The following PLEKHM3 variants were observed in gnomAD, a reference collection of about 807,000 sequenced individuals.
PLEKHM3 encodes pleckstrin homology domain-containing family M member 3.
In PLEKHM3, 45 loss-of-function variants were observed where a neutral mutation model predicts 81.8. That is an observed-to-expected ratio of 0.55 (90% CI 0.43 to 0.71). The LOEUF is 0.71. Among genes scored for constraint, PLEKHM3 ranks in the 30% least tolerant of loss-of-function variants. The pLI is 0.00. For missense variants in PLEKHM3, 788 were observed against 924.3 expected (o/e 0.85, Z 1.91); for synonymous variants, 352 against 356.4 (o/e 0.99, Z 0.14).
chr2:207,987,163 A>G (rs1009213616), intron 2 of PLEKHM3, among the ~76,000 whole-genome samples: 1 of 152,048 alleles, frequency 6.6e-6, no homozygotes, highest in Non-Finnish European at 1.5e-5. Flanking sequence ...ACTTGGTTCA[A>G]CCTCACCTAA....
chr2:207,906,778 G>C (rs1405670882), intron 6 of PLEKHM3, among the ~76,000 whole-genome samples: 3 of 151,658 alleles, frequency 2.0e-5, no homozygotes, highest in African/African-American at 4.9e-5. Flanking sequence ...AACAGAGCGA[G>C]ACTGTCAAAT....
At chr2:207,960,143 T>C (rs1690679113) in intron 3 of PLEKHM3, among the ~76,000 whole-genome samples, 1 of 152,232 alleles carries the variant, frequency 6.6e-6, no homozygotes, top group Non-Finnish European at 1.5e-5. Flanking sequence ...AGAGTGATAT[T>C]CCTAGCTTCT....
chr2:207,858,136 ATGTGTGTGTGTGTGTGTG>A (rs141449083), intron 7 of PLEKHM3, among the ~76,000 whole-genome samples: 12 of 126,920 alleles, frequency 9.5e-5, no homozygotes, highest in East Asian at 2.2e-4. Context: ...TCATATAGAT[ATGTGTGTGTGTGTGTGTG>A]TGTGTGTGTG....
At chr2:208,024,555 G>A (rs1693254256) in intron 1 of PLEKHM3, among the ~76,000 whole-genome samples, 1 of 152,174 alleles carries the variant, frequency 6.6e-6, no homozygotes, top group South Asian at 2.1e-4. Context: ...CTTGAAGTCA[G>A]TCAGTCAAAA....
intron 7 of PLEKHM3, among the ~76,000 whole-genome samples, chr2:207,842,423 CTGAT>C (rs1484345400): frequency 6.6e-6 from 1 of 152,110 alleles, no homozygotes; most frequent in Non-Finnish European, 1.5e-5. Context: ...ACTAATTAGA[CTGAT>C]TGTTTACATG....
chr2:207,950,327 C>T (rs1690288082), intron 3 of PLEKHM3, among the ~76,000 whole-genome samples: 1 of 152,192 alleles, frequency 6.6e-6, no homozygotes, highest in Non-Finnish European at 1.5e-5. Flanking sequence ...AGGCAGGAAG[C>T]CTGAGTCTGT....
chr2:207,886,862 T>C (rs1687901002), intron 6 of PLEKHM3, among the ~76,000 whole-genome samples: 1 of 152,152 alleles, frequency 6.6e-6, no homozygotes, highest in African/African-American at 2.4e-5. Context: ...ATATAATAAT[T>C]AAGAGCACTG....
chr2:208,005,266 T>C (rs1692460226), intron 1 of PLEKHM3, among the ~76,000 whole-genome samples: 1 of 152,210 alleles, frequency 6.6e-6, no homozygotes, highest in African/African-American at 2.4e-5. Flanking sequence ...TACATTATTA[T>C]TAACTTAAGT....
intron 3 of PLEKHM3, among the ~76,000 whole-genome samples, chr2:207,972,965 T>C (rs1419072445): frequency 6.6e-6 from 1 of 152,220 alleles, no homozygotes; most frequent in Admixed American, 6.5e-5. Context: ...AGCTACTCCA[T>C]ACAATCTTCC....
At chr2:207,986,423 A>C (rs1174578213) in intron 2 of PLEKHM3, among the ~76,000 whole-genome samples, 1 of 152,170 alleles carries the variant, frequency 6.6e-6, no homozygotes, top group African/African-American at 2.4e-5. Flanking sequence ...TCTACAGGCT[A>C]TCCAGGCTAT....
chr2:208,001,781 G>A lies in PLEKHM3; in HGVS notation c.-142C>T. 7.3e-7 allele frequency: 1 copy of A among 1,373,314 alleles called. No homozygotes were observed. 85.1% of individuals were successfully genotyped at this position (1,373,314 alleles called of 1,614,324 possible). A position where few individuals can be genotyped will look rare whatever the true frequency, so the allele number is the denominator to read the frequency against. ...ACCTTCATTGGGCTCCCTGGAGCAG[G>A]CCAAACCCAAAGTGGTTGATGTTTT... On this transcript the variant is annotated 5_prime_UTR_variant, in exon 2 of 8. Coordinates refer to ENST00000427836, the MANE Select transcript of PLEKHM3 (RefSeq NM_001080475.3).
At chr2:207,969,552 G>C (rs1691040009) in intron 3 of PLEKHM3, among the ~76,000 whole-genome samples, 1 of 152,190 alleles carries the variant, frequency 6.6e-6, no homozygotes, top group African/African-American at 2.4e-5. Context: ...GGTCAATAAT[G>C]TTTGTTTAAT....
chr2:207,956,794 T>C (rs1369780329), intron 3 of PLEKHM3, among the ~76,000 whole-genome samples: 2 of 141,064 alleles, frequency 1.4e-5, no homozygotes, highest in Non-Finnish European at 3.1e-5. Flanking sequence ...GGTGTTGAAC[T>C]CCTTTCCTTA....
At chr2:207,925,101 T>A (rs1689344097) in intron 5 of PLEKHM3, among the ~76,000 whole-genome samples, 1 of 151,142 alleles carries the variant, frequency 6.6e-6, no homozygotes, top group South Asian at 2.1e-4. Flanking sequence ...GTGCTTAAGA[T>A]GGGATCTTAG....
intron 1 of PLEKHM3, among the ~76,000 whole-genome samples, chr2:208,024,526 G>A (rs1472743826): frequency 6.6e-6 from 1 of 152,150 alleles, no homozygotes; most frequent in Non-Finnish European, 1.5e-5. Flanking sequence ...ATATAGCCCA[G>A]CTTTTGTTAA....
chr2:207,940,445 A>G lies in PLEKHM3; in HGVS notation c.1692+5922T>C, dbSNP rs539789933. ...AACTCTGTAAGGCATTAATATCCTC[A>G]TTTTACATATGAGGAAACTGACACC... On this transcript the variant is annotated intron_variant, in intron 4 of 7. Coordinates refer to ENST00000427836, the MANE Select transcript of PLEKHM3 (RefSeq NM_001080475.3). Among the ~76,000 whole-genome samples the G allele has an allele frequency of 7.9e-5, 12 of 152,276 alleles. No homozygotes were observed. The South Asian group carries it at 1.0e-3, about 13-fold the overall frequency.
At chr2:207,959,411 T>C (rs868599140) in intron 3 of PLEKHM3, among the ~76,000 whole-genome samples, 1 of 152,180 alleles carries the variant, frequency 6.6e-6, no homozygotes, top group Non-Finnish European at 1.5e-5. Context: ...TTTTGGGGGG[T>C]TACCTGAAAA....
At chr2:207,954,094 G>C (rs1311244951) in intron 3 of PLEKHM3, among the ~76,000 whole-genome samples, 1 of 152,158 alleles carries the variant, frequency 6.6e-6, no homozygotes, top group Non-Finnish European at 1.5e-5. Flanking sequence ...GACCAAGATG[G>C]GAGGATTGCT....
intron 5 of PLEKHM3, among the ~76,000 whole-genome samples, chr2:207,925,155 T>C (rs1358529537): frequency 6.6e-6 from 1 of 151,632 alleles, no homozygotes; most frequent in Non-Finnish European, 1.5e-5. Context: ...TTGTTTTTTT[T>C]TTTTAGTGAG....
Sources: allele counts gnomAD v4.1 joint callset (sites outside exome capture counted in the v4.1 genomes callset), GRCh38; gene constraint gnomAD v4.1.1; transcripts MANE v1.5; gene names NCBI Gene and HGNC (gene_info 2026-07-23, HGNC 2026-07-21).